POU6F1: variants seen among roughly 807,000 people sequenced by gnomAD.
POU6F1 encodes POU domain, class 6, transcription factor 1.
A neutral mutation model predicts 28.9 loss-of-function variants in POU6F1; 9 were observed. The ratio of observed to expected loss-of-function variants is 0.31; its 90% CI spans 0.19 to 0.54. The LOEUF is 0.54. Among genes scored for constraint, POU6F1 ranks in the 20% least tolerant of loss-of-function variants. The pLI is 0.94. For missense variants in POU6F1, 338 were observed against 426.1 expected (o/e 0.79, Z 1.82); for synonymous variants, 173 against 171.1 (o/e 1.01, Z -0.09).
At chr12:51,214,240 C>T (rs949928466) in intron 1 of POU6F1, among the ~76,000 whole-genome samples, 18 of 152,056 alleles carry the variant, frequency 1.2e-4, no homozygotes, top group African/African-American at 2.2e-4. Context: ...GATATGAGAT[C>T]ATGTAAATGA....
At chr12:51,213,813 T>G (rs113475174) in intron 1 of POU6F1, among the ~76,000 whole-genome samples, 1 of 150,902 alleles carries the variant, frequency 6.6e-6, no homozygotes, top group Non-Finnish European at 1.5e-5. Flanking sequence ...ATTACAGGCG[T>G]GAGCCACCAC....
intron 8 of POU6F1, among the ~76,000 whole-genome samples, chr12:51,194,771 T>C (rs73307705): frequency 0.022 from 3,304 of 152,316 alleles, 109 homozygotes; most frequent in African/African-American, 0.076. Flanking sequence ...AAGTGCTTTC[T>C]GTGCGCCAGT....
chr12:51,214,641 TA>T (rs983915165), intron 1 of POU6F1, among the ~76,000 whole-genome samples: 17 of 152,006 alleles, frequency 1.1e-4, no homozygotes, highest in African/African-American at 3.9e-4. Context: ...GGTGACCAAA[TA>T]AATAGGAGAG....
chr12:51,214,140 T>TC (rs1944167397), intron 1 of POU6F1, among the ~76,000 whole-genome samples: 2 of 147,728 alleles, frequency 1.4e-5, no homozygotes, highest in South Asian at 4.2e-4. Flanking sequence ...AGACTCTATG[T>TC]CAAAAAAATA....
intron 1 of POU6F1, among the ~76,000 whole-genome samples, chr12:51,208,304 A>G (rs555182527): frequency 6.6e-6 from 1 of 150,868 alleles, no homozygotes; most frequent in South Asian, 2.1e-4. Flanking sequence ...TGTCTCAAAA[A>G]AGAGAGAGAG....
rs1944350934 is a variant in POU6F1 at position 51,217,515 on chromosome 12, T to G, written c.-48+127A>C. ...CGCCCCGGCCCCGCGGCTTTTTTTC[T>G]CTTTATCATAAATATATAAATTATG... On this transcript the variant is annotated intron_variant, in intron 1 of 10. Coordinates refer to ENST00000333640, the MANE Select transcript of POU6F1 (RefSeq NM_001330422.2). The surrounding 1 kb of genome is among the most constrained non-coding windows in gnomAD (Gnocchi z 5.3). 1 of 152,148 alleles carries G rather than the reference T, an allele frequency of 6.6e-6. No homozygotes were observed. The highest frequency in any genetic ancestry group is 1.5e-5 in the Non-Finnish European group (1 of 67,894). 9.4% of individuals were successfully genotyped at this position (152,148 alleles called of 1,614,324 possible).
chr12:51,211,710 G>A (rs574297408), intron 1 of POU6F1, among the ~76,000 whole-genome samples: 7 of 152,088 alleles, frequency 4.6e-5, no homozygotes, highest in Admixed American at 2.6e-4. Flanking sequence ...TCGTGATCAC[G>A]CCACTACACT....
rs1942294743 is a variant in POU6F1 at position 51,190,165 on chromosome 12, CA to C, written c.*81del. The C allele has an allele frequency of 6.5e-7, 1 of 1,532,330 alleles. No homozygotes were observed. The highest frequency in any genetic ancestry group is 2.0e-5 in the Admixed American group (1 of 49,530). 94.9% of individuals were successfully genotyped at this position (1,532,330 alleles called of 1,614,324 possible). Reference sequence around the variant, plus strand: ...AGCACAGCTGCACGTGGCAAAATGACAGGTGCTGTCATGGCAGTGGCTGCAG... The same window carrying C: ...AGCACAGCTGCACGTGGCAAAATGACGGTGCTGTCATGGCAGTGGCTGCAG... On this transcript the variant is annotated 3_prime_UTR_variant, in exon 11 of 11. Transcript: ENST00000333640. This position sits in a 1 kb window ranked among gnomAD's most constrained non-coding sequence, Gnocchi z 4.5.
chr12:51,205,468 C>A (rs11330373), intron 2 of POU6F1, among the ~76,000 whole-genome samples: 14 of 152,136 alleles, frequency 9.2e-5, no homozygotes, highest in Non-Finnish European at 1.9e-4. Flanking sequence ...TCAGAACACT[C>A]AGTCTCCCTC....
chr12:51,209,034 G>A (rs1216522828), intron 1 of POU6F1, among the ~76,000 whole-genome samples: 2 of 152,140 alleles, frequency 1.3e-5, no homozygotes, highest in African/African-American at 2.4e-5. Context: ...CCTTGATCTT[G>A]GACTTCCCAC....
At chr12:51,206,475 CA>C (rs199769786) in intron 2 of POU6F1, among the ~76,000 whole-genome samples, 20,458 of 113,514 alleles carry the variant, frequency 0.18, 2,836 homozygotes, top group African/African-American at 0.41. Flanking sequence ...TAGTAATTTG[CA>C]AAAAAAAAAA....
intron 8 of POU6F1, among the ~76,000 whole-genome samples, chr12:51,195,512 A>G (rs1377639916): frequency 2.0e-4 from 1 of 4,892 alleles, no homozygotes; most frequent in African/African-American, 1.6e-3. Context: ...ACTTGGAATA[A>G]TAGTAGGCAC....
intron 1 of POU6F1, among the ~76,000 whole-genome samples, chr12:51,209,751 T>C (rs1405460924): frequency 6.6e-6 from 1 of 152,154 alleles, no homozygotes; most frequent in African/African-American, 2.4e-5. Context: ...TTCCCTCCTC[T>C]TCCTTCCTTA....
Position 51,199,258 on chromosome 12 carries a change from GGACCAT to G in POU6F1, c.366+483_367-484del, listed in dbSNP as rs968627044. 1.3e-5 allele frequency among the ~76,000 whole-genome samples: 2 copies of G among 152,118 alleles called. No individual in the cohort carries two copies. The highest frequency in any genetic ancestry group is 4.8e-5 in the African/African-American group (2 of 41,410). On this transcript the variant is annotated intron_variant, in intron 4 of 10. Coordinates refer to ENST00000333640, the MANE Select transcript of POU6F1 (RefSeq NM_001330422.2). This position sits in a 1 kb window ranked among gnomAD's most constrained non-coding sequence, Gnocchi z 4.1. ...CAGAGGCCTCCGAGAAGTTTCTGAA[GGACCAT>G]ACCCTTGGCTGGATGCCTTGGAGTC...
At chr12:51,205,964 G>A (rs997244137) in intron 2 of POU6F1, among the ~76,000 whole-genome samples, 3 of 150,220 alleles carry the variant, frequency 2.0e-5, no homozygotes, top group African/African-American at 4.9e-5. Flanking sequence ...GATTACAGGT[G>A]CCCACCACCA....
At chr12:51,194,945 A>T (rs1942712841) in intron 8 of POU6F1, among the ~76,000 whole-genome samples, 1 of 152,176 alleles carries the variant, frequency 6.6e-6, no homozygotes, top group Admixed American at 6.6e-5. Flanking sequence ...GGAACTTAGG[A>T]ATGCAAACTC....
At chr12:51,201,210 G>A (rs1943183913) in intron 3 of POU6F1, among the ~76,000 whole-genome samples, 1 of 152,162 alleles carries the variant, frequency 6.6e-6, no homozygotes, top group African/African-American at 2.4e-5. Flanking sequence ...AACTTGGGAA[G>A]GCGTCAACCT....
chr12:51,192,170 C>T (rs966082223), intron 9 of POU6F1, among the ~76,000 whole-genome samples, 160 bp downstream of exon 9: 7 of 152,214 alleles, frequency 4.6e-5, no homozygotes, highest in Non-Finnish European at 7.3e-5. Flanking sequence ...CCAAACTCCA[C>T]CTCAACAGGA....
At chr12:51,215,087 G>C (rs1391836373) in intron 1 of POU6F1, among the ~76,000 whole-genome samples, 1 of 152,052 alleles carries the variant, frequency 6.6e-6, no homozygotes, top group Non-Finnish European at 1.5e-5. Context: ...GATAATATCT[G>C]GTATATAACT....
Sources: allele counts gnomAD v4.1 joint callset (sites outside exome capture counted in the v4.1 genomes callset), GRCh38; gene constraint gnomAD v4.1.1; non-coding constraint Gnocchi (gnomAD v3.1); transcripts MANE v1.5; gene names NCBI Gene and HGNC (gene_info 2026-07-23, HGNC 2026-07-21).